The following OSBPL1A variants were observed in gnomAD, a reference collection of about 807,000 sequenced individuals.
The protein encoded by OSBPL1A is oxysterol-binding protein-related protein 1.
In OSBPL1A, 80 loss-of-function variants were observed where a neutral mutation model predicts 137.1. The observed-to-expected ratio is 0.58, with a 90% CI of 0.49 to 0.70. The LOEUF is 0.70. OSBPL1A is among the 30% of genes least tolerant of loss of function. The probability of loss-of-function intolerance (pLI) is 0.00; values close to 1 mark genes in which losing one functional copy is unlikely to be tolerated. For synonymous variants in OSBPL1A, 365 were observed against 389.7 expected (o/e 0.94, Z 0.75); for missense variants, 970 against 1,129.4 (o/e 0.86, Z 2.02).
Position 24,271,935 on chromosome 18 carries a change from G to A in OSBPL1A, c.1281+8907C>T. 6.1e-6 allele frequency: 6 copies of A among 983,200 alleles called. No homozygotes were observed. The highest frequency in any genetic ancestry group is 7.2e-6 in the Non-Finnish European group (6 of 829,272). The allele number at this position is 983,200 out of a possible 1,614,324, so 60.9% of individuals were successfully genotyped here. On this transcript the variant is annotated intron_variant, in intron 15 of 27. Transcript: ENST00000319481. This position sits in a 1 kb window ranked among gnomAD's most constrained non-coding sequence, Gnocchi z 4.0. Reference sequence around the variant, plus strand: ...AGGTCTGCGCTGCCCCTCCGCCGCCGCTGGCTCGGCCGCAGACCCGCCCTC... The same window carrying A: ...AGGTCTGCGCTGCCCCTCCGCCGCCACTGGCTCGGCCGCAGACCCGCCCTC...
At position 24,239,227 on chromosome 18, in the gene OSBPL1A, C is replaced by G; in HGVS notation, c.1437G>C (p.Ala479=). ...GAAGGATCCCAGAGTTACCTGACAG[C>G]GCATCATAGAACTCGTCCTCGCTAA... ...SILSEDEFYD[A]LSDSESERSL... is the part of the protein sequence containing the mutation. Residue 479 remains alanine, a synonymous_variant, in exon 16 of 28, where the codon GCG becomes GCC. Coordinates refer to ENST00000319481, the MANE Select transcript of OSBPL1A (RefSeq NM_080597.4). 6.2e-6 allele frequency: 10 copies of G among 1,613,294 alleles called. No homozygotes were observed. The highest frequency in any genetic ancestry group is 8.5e-6 in the Non-Finnish European group (10 of 1,179,716).
At chr18:24,395,618 T>G (rs1367000171) in intron 1 of OSBPL1A, among the ~76,000 whole-genome samples, 1 of 151,046 alleles carries the variant, frequency 6.6e-6, no homozygotes, top group Non-Finnish European at 1.5e-5. Flanking sequence ...GGGGAGAATT[T>G]TTTTTTTTCT....
chr18:24,175,128 A>G (rs1407717744), intron 21 of OSBPL1A, among the ~76,000 whole-genome samples: 2 of 130,424 alleles, frequency 1.5e-5, no homozygotes, highest in African/African-American at 6.6e-5. Context: ...ATATATATAT[A>G]TATATATACA....
intron 3 of OSBPL1A, 50 bp downstream of exon 3, chr18:24,368,237 A>G (rs1016847207): frequency 3.5e-6 from 5 of 1,410,820 alleles, no homozygotes; most frequent in African/African-American, 1.4e-5. Context: ...TAAAATTTCC[A>G]TAACAATAAT....
intron 13 of OSBPL1A, chr18:24,311,390 T>C: frequency 3.8e-6 from 3 of 795,378 alleles, no homozygotes; most frequent in Non-Finnish European, 4.6e-6. Flanking sequence ...AGACACAAGA[T>C]GGAAATAAAA....
chr18:24,332,385 CAAAAAA>C (rs71163675), intron 7 of OSBPL1A, among the ~76,000 whole-genome samples: 10 of 53,076 alleles, frequency 1.9e-4, no homozygotes, highest in African/African-American at 3.7e-4. Context: ...GACTCTGTCT[CAAAAAA>C]AAAAAAAAAA....
intron 16 of OSBPL1A, among the ~76,000 whole-genome samples, chr18:24,237,210 G>A (rs1319646287): frequency 6.6e-6 from 1 of 152,188 alleles, no homozygotes; most frequent in Non-Finnish European, 1.5e-5. Context: ...ATGATTAACT[G>A]GGATAACAGG....
intron 12 of OSBPL1A, among the ~76,000 whole-genome samples, chr18:24,313,468 A>T (rs1236637307): frequency 2.0e-5 from 3 of 151,802 alleles, no homozygotes; most frequent in Non-Finnish European, 4.4e-5. Context: ...TGACTGCACC[A>T]TAAGTATTGG....
intron 17 of OSBPL1A, among the ~76,000 whole-genome samples, chr18:24,197,323 G>A (rs559274325): frequency 8.5e-5 from 13 of 152,128 alleles, no homozygotes; most frequent in African/African-American, 3.1e-4. Context: ...CTCCAGCCTG[G>A]GCAACAGAGC....
intron 13 of OSBPL1A, among the ~76,000 whole-genome samples, chr18:24,309,183 C>T (rs527337827): frequency 1.3e-5 from 2 of 152,314 alleles, no homozygotes; most frequent in East Asian, 3.9e-4. Context: ...TATACCAATA[C>T]CATGCTTGAT....
intron 20 of OSBPL1A, chr18:24,178,993 CTAATA>C (rs1458304724): frequency 6.6e-6 from 1 of 152,138 alleles, no homozygotes; most frequent in African/African-American, 2.4e-5. Context: ...TATACTTATG[CTAATA>C]TATTTTATTT....
At chr18:24,206,435 T>C (rs2087377255) in intron 17 of OSBPL1A, among the ~76,000 whole-genome samples, 1 of 152,200 alleles carries the variant, frequency 6.6e-6, no homozygotes, top group African/African-American at 2.4e-5. Context: ...TAATAATTCA[T>C]TGGTATTCTT....
At chr18:24,180,673 G>C (rs546317764) in intron 19 of OSBPL1A, among the ~76,000 whole-genome samples, 1 of 152,288 alleles carries the variant, frequency 6.6e-6, no homozygotes, top group African/African-American at 2.4e-5. Context: ...AGGAGATCGA[G>C]ACCATCCTGG....
intron 18 of OSBPL1A, among the ~76,000 whole-genome samples, chr18:24,186,168 G>A (rs568606756): frequency 5.9e-5 from 9 of 152,136 alleles, no homozygotes; most frequent in South Asian, 2.1e-4. Context: ...TATCATAGTC[G>A]CAGTCACATG....
At chr18:24,314,781 G>C (rs748775687) in intron 11 of OSBPL1A, among the ~76,000 whole-genome samples, 3 of 152,056 alleles carry the variant, frequency 2.0e-5, no homozygotes, top group Non-Finnish European at 4.4e-5. Context: ...GAGTAAGACG[G>C]ATCAGAAATA....
chr18:24,214,059 C>G (rs1267988646), intron 17 of OSBPL1A, among the ~76,000 whole-genome samples: 1 of 152,178 alleles, frequency 6.6e-6, no homozygotes, highest in African/African-American at 2.4e-5. Context: ...CAGAGTTCAG[C>G]ACAGTCCTGG....
intron 15 of OSBPL1A, among the ~76,000 whole-genome samples, chr18:24,249,863 A>G (rs1390349415): frequency 6.6e-6 from 1 of 152,146 alleles, no homozygotes; most frequent in Non-Finnish European, 1.5e-5. Context: ...GGCAACTTCT[A>G]ATGCTGGGCT....
At chr18:24,361,170 C>A (rs2091615275) in intron 4 of OSBPL1A, among the ~76,000 whole-genome samples, 1 of 152,112 alleles carries the variant, frequency 6.6e-6, no homozygotes, top group South Asian at 2.1e-4. Context: ...GCTGGGACTA[C>A]AGATGCATGC....
intron 13 of OSBPL1A, among the ~76,000 whole-genome samples, chr18:24,309,995 C>A (rs999729192): frequency 5.5e-5 from 8 of 146,170 alleles, no homozygotes; most frequent in African/African-American, 2.0e-4. Context: ...TGCAGGGAGC[C>A]ATGATCGCAT....
Sources: gnomAD v4.1 joint callset for allele counts (sites outside exome capture counted in the v4.1 genomes callset) on GRCh38, gnomAD v4.1.1 for gene constraint, Gnocchi (gnomAD v3.1) non-coding constraint, MANE v1.5 for transcripts, NCBI Gene and HGNC (gene_info 2026-07-23, HGNC 2026-07-21) for gene names.